RBFOX1: variants seen among roughly 807,000 people sequenced by gnomAD.
RBFOX1 encodes the protein RNA binding fox-1 homolog 1.
Under a neutral mutation model 57.7 loss-of-function variants are expected in RBFOX1, and 8 were observed. The ratio of observed to expected loss-of-function variants is 0.14; its 90% CI spans 0.08 to 0.25. RBFOX1 has a LOEUF of 0.25. RBFOX1 is among the 10% of genes least tolerant of loss of function. The pLI, the probability that RBFOX1 is intolerant of heterozygous loss-of-function variation, is 1.00. For missense variants in RBFOX1, 611 were observed against 548.5 expected, an observed-to-expected ratio of 1.11 and a Z score of -1.14; for synonymous variants, 326 against 222.4, an observed-to-expected ratio of 1.47 and a Z score of -4.15.
At chr16:6,716,325 C>A (rs1001070857) in intron 3 of RBFOX1, among the ~76,000 whole-genome samples, 1 of 152,182 alleles carries the variant, frequency 6.6e-6, no homozygotes, top group Non-Finnish European at 1.5e-5. Flanking sequence ...GGGGTATTTT[C>A]CATGACCTTC....
At chr16:7,283,747 T>C (rs2095594665) in intron 4 of RBFOX1, among the ~76,000 whole-genome samples, 1 of 152,148 alleles carries the variant, frequency 6.6e-6, no homozygotes, top group African/African-American at 2.4e-5. Flanking sequence ...CTGGACTTGA[T>C]CTAGATCATG....
At chr16:6,996,635 C>T (rs573078748) in intron 3 of RBFOX1, among the ~76,000 whole-genome samples, 84 of 152,256 alleles carry the variant, frequency 5.5e-4, no homozygotes, top group African/African-American at 1.7e-3. Flanking sequence ...GGGACAGTGA[C>T]GCACAAAGAA....
chr16:6,317,176 C>G, intron 2 of RBFOX1, 119 bp downstream of exon 2: 4 of 917,370 alleles, frequency 4.4e-6, no homozygotes, highest in Admixed American at 4.5e-5. Context: ...TGCTGCCTGC[C>G]TATGTCTTTC....
chr16:7,218,922 G>A (rs1225373031), intron 4 of RBFOX1, among the ~76,000 whole-genome samples: 1 of 152,074 alleles, frequency 6.6e-6, no homozygotes, highest in Non-Finnish European at 1.5e-5. Context: ...CTTCTCTCTT[G>A]GGTTTGGGCA....
Position 6,895,476 on chromosome 16 carries a change from ATATATATATATT to A in RBFOX1, c.-15-156577_-15-156566del, listed in dbSNP as rs1461239453. ...TATATATATATATATATATATATAT[ATATATATATATT>A]TATTCCCCTATTGGATAACAAGCTG... On this transcript the variant is annotated intron_variant, in intron 3 of 15. Transcript: ENST00000550418. Among the ~76,000 whole-genome samples the A allele has an allele frequency of 1.9e-3, 188 of 98,274 alleles. 5 individuals carry two copies. The highest frequency in any genetic ancestry group is 7.7e-3 in the South Asian group (18 of 2,338). The allele number at this position is 98,274 out of a possible 152,430, so 64.5% of individuals were successfully genotyped here.
At chr16:5,821,219 A>C (rs1392256058) in intron 3 of RBFOX1, among the ~76,000 whole-genome samples, 2 of 151,782 alleles carry the variant, frequency 1.3e-5, no homozygotes, top group East Asian at 3.9e-4. Flanking sequence ...GCTGAAGCCT[A>C]AGACTACTAC....
intron 2 of RBFOX1, among the ~76,000 whole-genome samples, chr16:5,532,555 A>G (rs1159620018): frequency 6.6e-6 from 1 of 152,176 alleles, no homozygotes; most frequent in Non-Finnish European, 1.5e-5. Flanking sequence ...TTAGTCTCTA[A>G]ATCTATAAAG....
intron 4 of RBFOX1, among the ~76,000 whole-genome samples, chr16:5,898,059 G>A (rs1259028668): frequency 6.6e-6 from 1 of 152,044 alleles, no homozygotes; most frequent in Non-Finnish European, 1.5e-5. Context: ...TGACTGGGTA[G>A]GCCTCAGGAA....
intron 2 of RBFOX1, among the ~76,000 whole-genome samples, chr16:6,638,817 T>A (rs1489143122): frequency 6.6e-6 from 1 of 152,208 alleles, no homozygotes; most frequent in African/African-American, 2.4e-5. Flanking sequence ...ACCATTTTGG[T>A]CTTGTCAGTT....
At chr16:7,039,278 C>T (rs571954452) in intron 3 of RBFOX1, among the ~76,000 whole-genome samples, 2 of 152,236 alleles carry the variant, frequency 1.3e-5, no homozygotes, top group African/African-American at 4.8e-5. Context: ...AGTACTTAGC[C>T]TTGACAAGCT....
chr16:7,046,662 A>T lies in RBFOX1; in HGVS notation c.-15-5395A>T, dbSNP rs185064480. On this transcript the variant is annotated intron_variant, in intron 3 of 15. Coordinates refer to ENST00000550418, the MANE Select transcript of RBFOX1 (RefSeq NM_018723.4). ...AGTACAGAGTCTCAGTCTGTGTGCA[A>T]TGGCATGATCTCGGCTCACTGCAAC... 4.1e-3 allele frequency among the ~76,000 whole-genome samples: 544 copies of T among 133,814 alleles called. 3 individuals carry two copies. The highest frequency in any genetic ancestry group is 0.015 in the Middle Eastern group (3 of 206). The allele number at this position is 133,814 out of a possible 152,430, so 87.8% of individuals were successfully genotyped here.
intron 1 of RBFOX1, among the ~76,000 whole-genome samples, chr16:5,466,121 C>A (rs1397815062): frequency 6.6e-6 from 1 of 152,172 alleles, no homozygotes; most frequent in African/African-American, 2.4e-5. Flanking sequence ...GGTGGGAAAT[C>A]GTCTTGTTCA....
At chr16:7,320,005 G>A (rs943508707) in intron 4 of RBFOX1, among the ~76,000 whole-genome samples, 2 of 152,178 alleles carry the variant, frequency 1.3e-5, no homozygotes, top group Middle Eastern at 3.2e-3. Context: ...TTCTAGGACT[G>A]CCTTTTATGC....
intron 3 of RBFOX1, among the ~76,000 whole-genome samples, chr16:6,771,971 A>G (rs79579459): frequency 6.6e-6 from 1 of 152,138 alleles, no homozygotes; most frequent in East Asian, 1.9e-4. Context: ...AAGATCCTCA[A>G]AATAATTGAA....
chr16:5,809,392 C>T (rs984948022), intron 3 of RBFOX1, among the ~76,000 whole-genome samples: 2 of 151,952 alleles, frequency 1.3e-5, no homozygotes, highest in African/African-American at 4.8e-5. Context: ...AGGCAGCCTA[C>T]ACAATGGGAG....
chr16:6,339,443 G>A (rs2084217309), intron 2 of RBFOX1, among the ~76,000 whole-genome samples: 1 of 152,194 alleles, frequency 6.6e-6, no homozygotes, highest in Non-Finnish European at 1.5e-5. Context: ...CCATCTCCCG[G>A]AGGAGCTGAG....
At chr16:6,361,564 G>A (rs765525913) in intron 2 of RBFOX1, among the ~76,000 whole-genome samples, 9 of 151,418 alleles carry the variant, frequency 5.9e-5, no homozygotes, top group Non-Finnish European at 7.4e-5. Context: ...GGAGGCGGAG[G>A]TTGCAGTGAG....
chr16:6,764,258 G>T (rs559549655), intron 3 of RBFOX1, among the ~76,000 whole-genome samples: 3 of 152,276 alleles, frequency 2.0e-5, no homozygotes, highest in African/African-American at 7.2e-5. Flanking sequence ...GGACTTGAAA[G>T]CACTGAAGTT....
intron 4 of RBFOX1, among the ~76,000 whole-genome samples, chr16:7,247,295 C>A (rs1454014027): frequency 6.6e-6 from 1 of 152,130 alleles, no homozygotes; most frequent in Non-Finnish European, 1.5e-5. Context: ...GGTTAACATT[C>A]CTTAACCAAA....
Sources: allele counts gnomAD v4.1 joint callset (sites outside exome capture counted in the v4.1 genomes callset), GRCh38; gene constraint gnomAD v4.1.1; transcripts MANE v1.5; gene names NCBI Gene and HGNC (gene_info 2026-07-23, HGNC 2026-07-21).